The following PLEKHG2 variants were observed in gnomAD, a reference collection of about 807,000 sequenced individuals.
PLEKHG2 encodes pleckstrin homology and RhoGEF domain containing G2, also known as pleckstrin homology domain-containing family G member 2.
Under a neutral mutation model 104.4 loss-of-function variants are expected in PLEKHG2, and 71 were observed. The observed-to-expected ratio is 0.68, with a 90% CI of 0.56 to 0.83. The LOEUF is 0.83. Ranked by LOEUF, PLEKHG2 falls within the 40% of genes least tolerant of loss-of-function variation. The pLI is 0.00. For synonymous variants in PLEKHG2, 728 were observed against 737.0 expected (o/e 0.99, Z 0.20); for missense variants, 1,730 against 1,809.4 (o/e 0.96, Z 0.80).
chr19:39,424,042 CA>C lies in PLEKHG2; in HGVS notation c.2911del (p.Thr971LeufsTer75). On this transcript the variant is annotated frameshift_variant, in exon 19 of 19. Transcript: ENST00000425673. LOFTEE classifies it low-confidence loss of function (END_TRUNC). ...GPLHLQVPAL[T>X]TFSDQGHPEI... ...CTGCACCTCCAGGTGCCGGCTCTTA[CA>C]ACTTTCTCTGATCAAGGCCACCCAG... 1 of 1,614,020 alleles carries C rather than the reference CA, an allele frequency of 6.2e-7. No individual in the cohort carries two copies. Among genetic ancestry groups the C allele is most frequent in the Non-Finnish European group, 8.5e-7 (1 of 1,179,964 alleles).
intron 14 of PLEKHG2, 38 bp from the exon 15 acceptor site, chr19:39,421,037 G>T: frequency 6.2e-7 from 1 of 1,614,080 alleles, no homozygotes. Context: ...CATCGGGGTG[G>T]GAGCTGGGCT....
chr19:39,423,658 G>A lies in PLEKHG2; in HGVS notation c.2599+5G>A, dbSNP rs1376109284. On this transcript the variant is annotated splice_donor_5th_base_variant and intron_variant, in intron 18 of 18. Transcript: ENST00000425673. ...CCCAGGAGCAGGCAGAGCCAGGTGA[G>A]GTCCGGGTACGTGGTTGGCAGAGGT... 3 of 1,548,462 alleles carry A rather than the reference G, an allele frequency of 1.9e-6. No individual in the cohort carries two copies. The highest frequency in any genetic ancestry group is 1.7e-4 in the Middle Eastern group (1 of 5,726).
In PLEKHG2 at chr19:39,418,934, G is replaced by C. The variant is rs572386419; in HGVS notation, c.1194G>C (p.Glu398Asp). 6.2e-7 allele frequency: 1 copy of C among 1,612,810 alleles called. No individual in the cohort carries two copies. Among genetic ancestry groups the C allele is most frequent in the South Asian group, 1.1e-5 (1 of 90,830 alleles). The change falls in exon 11 of 19, where the codon GAG (glutamate) becomes GAC (aspartate). Residue 398 changes from glutamate (E) to aspartate (D), a missense_variant. Glu to Asp is a conservative substitution (Grantham distance 45). Coordinates refer to ENST00000425673, the MANE Select transcript of PLEKHG2 (RefSeq NM_022835.3). ...ACTCCTAGGCCAAGAACCAAGAAGA[G>C]AAGAGGCTGTGGATTCACTGTCTCC... ...RHLLQAKNQE[E>D]KRLWIHCLQR...
In PLEKHG2 at chr19:39,418,141, C is replaced by T. The variant is rs775916719; in HGVS notation, c.1083+36C>T. ...GGATGGGGTGGGGCTAGAATACTAC[C>T]TACAAAGTATATCCCATATACCTGT... is the stretch of plus-strand genomic sequence containing the variant. On this transcript the variant is annotated intron_variant, in intron 9 of 18. Coordinates refer to ENST00000425673, the MANE Select transcript of PLEKHG2 (RefSeq NM_022835.3). The T allele has an allele frequency of 1.9e-5, 27 of 1,453,014 alleles. No individual in the cohort carries two copies. In the Admixed American group the frequency reaches 6.7e-4, roughly 36 times the overall value. The allele number at this position is 1,453,014 out of a possible 1,614,324, so 90.0% of individuals were successfully genotyped here. A position where few individuals can be genotyped will look rare whatever the true frequency, so the allele number is the denominator to read the frequency against.
Position 39,416,746 on chromosome 19 carries a change from C to G in PLEKHG2, c.594-104C>G, listed in dbSNP as rs1484168965. 18 of 1,468,522 alleles carry G rather than the reference C, an allele frequency of 1.2e-5. No homozygotes were observed. The highest frequency in any genetic ancestry group is 1.4e-5 in the Non-Finnish European group (15 of 1,075,914). 91.0% of individuals were successfully genotyped at this position (1,468,522 alleles called of 1,614,324 possible). A position where few individuals can be genotyped will look rare whatever the true frequency, so the allele number is the denominator to read the frequency against. On this transcript the variant is annotated intron_variant, in intron 6 of 18. Transcript: ENST00000425673. The surrounding 1 kb of genome is among the most constrained non-coding windows in gnomAD (Gnocchi z 4.5). ...CTGACCTCTCCCTCACTGCCCCGCC[C>G]CCTGTCAGACCCTGACCCTTCCCAA... is the stretch of plus-strand genomic sequence containing the variant.
In PLEKHG2 at chr19:39,425,448, C is replaced by T. The variant is rs183846091; in HGVS notation, c.*154C>T. 82 of 1,251,532 alleles carry T rather than the reference C, an allele frequency of 6.6e-5. 1 individual carries two copies. The East Asian group carries it at 2.0e-3, about 31-fold the overall frequency. 77.5% of individuals were successfully genotyped at this position (1,251,532 alleles called of 1,614,324 possible). Reference sequence around the variant, plus strand: ...TGCATCGGCGAATGGCCCTTCTTGCCTTGATCCACAGGGATGGGGAAGGGA... The same window carrying T: ...TGCATCGGCGAATGGCCCTTCTTGCTTTGATCCACAGGGATGGGGAAGGGA... On this transcript the variant is annotated 3_prime_UTR_variant, in exon 19 of 19. Transcript: ENST00000425673.
At chr19:39,421,150 G>A (rs1244992755) in intron 15 of PLEKHG2, 37 bp downstream of exon 15, 1 of 1,531,312 alleles carries the variant, frequency 6.5e-7, no homozygotes, top group Non-Finnish European at 8.9e-7. Context: ...GTCCATCCCT[G>A]TCTGTCGCCC....
chr19:39,414,961 T>A (rs776200058), intron 2 of PLEKHG2, 31 bp from the exon 3 acceptor site: 1 of 1,552,142 alleles, frequency 6.4e-7, no homozygotes, highest in South Asian at 1.2e-5. Flanking sequence ...ATGGGGAGAT[T>A]TCTCTGACCT....
Position 39,416,406 on chromosome 19 carries a change from G to T in PLEKHG2, c.538G>T (p.Val180Leu). The T allele has an allele frequency of 1.2e-6, 2 of 1,613,062 alleles. No individual in the cohort carries two copies. Among genetic ancestry groups the T allele is most frequent in the Non-Finnish European group, 1.7e-6 (2 of 1,179,752 alleles). The stretch of plus-strand genomic sequence containing the variant: ...CGCCGGGGGTATTGCCGAGTGCTTC[G>T]TGCAGAGGGTGAGTGGAGGGGTGGG... ...SSAGGIAECF[V>L]QRSEDFDIYT... Residue 180 changes from valine to leucine, a missense_variant, in exon 5 of 19, where the codon GTG becomes TTG. Physicochemically the swap from Val to Leu is conservative, Grantham distance 32 (BLOSUM62 1). Transcript: ENST00000425673. This position sits in a 1 kb window ranked among gnomAD's most constrained non-coding sequence, Gnocchi z 4.5.
Position 39,420,811 on chromosome 19 carries a change from C to G in PLEKHG2, c.1358C>G (p.Pro453Arg), listed in dbSNP as rs34975345. The G allele has an allele frequency of 0.031, 50,475 of 1,614,148 alleles. 959 individuals are homozygous for G. The highest frequency in any genetic ancestry group is 0.039 in the Middle Eastern group (238 of 6,062). ...PLTPPLGSPR[P>R]RDARSFTPGR... ...ACACCCCCACTTGGGTCTCCTCGAC[C>G]TCGAGATGCTAGAAGTTTTACCCCT... is the stretch of plus-strand genomic sequence containing the variant. Residue 453 changes from proline to arginine, a missense_variant, in exon 13 of 19, where the codon CCT becomes CGT. Physicochemically the swap from Pro to Arg is moderately radical, Grantham distance 103 (BLOSUM62 -2). Transcript: ENST00000425673.
chr19:39,422,773 G>A lies in PLEKHG2; in HGVS notation c.1719G>A (p.Gln573=). The A allele has an allele frequency of 1.3e-6, 2 of 1,525,654 alleles. No homozygotes were observed. Among genetic ancestry groups the A allele is most frequent in the Non-Finnish European group, 1.8e-6 (2 of 1,139,454 alleles). The allele number at this position is 1,525,654 out of a possible 1,614,324, so 94.5% of individuals were successfully genotyped here. A position where few individuals can be genotyped will look rare whatever the true frequency, so the allele number is the denominator to read the frequency against. The stretch of plus-strand genomic sequence containing the variant: ...TTCCCAAGTTCCCCGGAGACTCCCA[G>A]GTGCCTGGCGACAGCGAAACCCTCA... ...HDIPKFPGDS[Q]VPGDSETLTF... Residue 573 remains glutamine, a synonymous_variant, in exon 18 of 19, where the codon CAG becomes CAA. Transcript: ENST00000425673.
Position 39,424,163 on chromosome 19 carries a change from CTG to C in PLEKHG2, c.3033_3034del (p.Ala1012GlyfsTer17). On this transcript the variant is annotated frameshift_variant, in exon 19 of 19. Coordinates refer to ENST00000425673, the MANE Select transcript of PLEKHG2 (RefSeq NM_022835.3). LOFTEE classifies it low-confidence loss of function (END_TRUNC). The stretch of plus-strand genomic sequence containing the variant: ...CCGCCTTTTGTCCTGAGCAGGGACA[CTG>C]TGCGGACATCCACGTTCCCACCACT... Reference protein sequence around the residue: ...STAFCPEQGHCADIHVPTTPA... With the variant: ...STAFCPEQGHXADIHVPTTPA... 3 of 1,614,164 alleles carry C rather than the reference CTG, an allele frequency of 1.9e-6. No individual in the cohort carries two copies. The highest frequency in any genetic ancestry group is 1.3e-5 in the African/African-American group (1 of 75,042).
chr19:39,425,301 A>G lies in PLEKHG2; in HGVS notation c.*7A>G. 6.3e-7 allele frequency: 1 copy of G among 1,598,380 alleles called. No homozygotes were observed. Among genetic ancestry groups the G allele is most frequent in the Non-Finnish European group, 8.5e-7 (1 of 1,175,616 alleles). On this transcript the variant is annotated 3_prime_UTR_variant, in exon 19 of 19. Coordinates refer to ENST00000425673, the MANE Select transcript of PLEKHG2 (RefSeq NM_022835.3). Reference sequence around the variant, plus strand: ...TGCCCCCTTCCACATGTGAGCCAGGACATGAGGCTTCCCTGAAGCAAGGAT... The same window carrying G: ...TGCCCCCTTCCACATGTGAGCCAGGGCATGAGGCTTCCCTGAAGCAAGGAT...
Position 39,420,833 on chromosome 19 carries a change from C to T in PLEKHG2, c.1380C>T (p.Thr460=), listed in dbSNP as rs201041534. Residue 460 remains threonine (T), a synonymous_variant, in exon 13 of 19, where the codon ACC becomes ACT. Coordinates refer to ENST00000425673, the MANE Select transcript of PLEKHG2 (RefSeq NM_022835.3). ...GACCTCGAGATGCTAGAAGTTTTAC[C>T]CCTGGGCGAAGGAACACAGGTAAAG... ...SPRPRDARSF[T]PGRRNTAPSP... 9.7e-5 allele frequency: 157 copies of T among 1,614,072 alleles called. No individual in the cohort carries two copies. Among genetic ancestry groups the T allele is most frequent in the Non-Finnish European group, 1.2e-4 (142 of 1,180,050 alleles).
chr19:39,414,138 G>A lies in PLEKHG2; in HGVS notation c.52G>A (p.Gly18Arg). ...LSLSKPSPSLGCGRRGEVCDC... is the reference protein window; with the variant it reads ...LSLSKPSPSLRCGRRGEVCDC... ...CCTCTCCAAACCTAGCCCAAGCCTC[G>A]GGTGTGGCCGAAGAGGTGAAGTGTG... The change falls in exon 2 of 19, where the codon GGG (glycine) becomes AGG (arginine). Residue 18 changes from glycine (G) to arginine (R), a missense_variant. Transcript: ENST00000425673. The A allele has an allele frequency of 6.4e-7, 1 of 1,551,518 alleles. No individual in the cohort carries two copies. The highest frequency in any genetic ancestry group is 8.7e-7 in the Non-Finnish European group (1 of 1,146,888).
chr19:39,416,437 C>G lies in PLEKHG2; in HGVS notation c.546+23C>G, dbSNP rs1183364724. 6.8e-6 allele frequency: 11 copies of G among 1,611,942 alleles called. No individual in the cohort carries two copies. Among genetic ancestry groups the G allele is most frequent in the Non-Finnish European group, 9.3e-6 (11 of 1,179,358 alleles). ...AGGGTGAGTGGAGGGGTGGGGGGCTCTCGGTCCTGGATGGGGCCTTTGTAG... is the reference window on the plus strand; with the variant it reads ...AGGGTGAGTGGAGGGGTGGGGGGCTGTCGGTCCTGGATGGGGCCTTTGTAG... On this transcript the variant is annotated intron_variant, in intron 5 of 18. Coordinates refer to ENST00000425673, the MANE Select transcript of PLEKHG2 (RefSeq NM_022835.3). This position sits in a 1 kb window ranked among gnomAD's most constrained non-coding sequence, Gnocchi z 4.5.
Position 39,417,700 on chromosome 19 carries a change from C to T in PLEKHG2, c.882+8C>T. 1 of 1,588,060 alleles carries T rather than the reference C, an allele frequency of 6.3e-7. No individual in the cohort carries two copies. The highest frequency in any genetic ancestry group is 8.6e-7 in the Non-Finnish European group (1 of 1,169,108). Reference sequence around the variant, plus strand: ...CATGCAGCGCGCCTCCAGGTGGCCCCAGGGTGGGCTGGGGCTTGCTGGATG... The same window carrying T: ...CATGCAGCGCGCCTCCAGGTGGCCCTAGGGTGGGCTGGGGCTTGCTGGATG... On this transcript the variant is annotated splice_region_variant and intron_variant, in intron 8 of 18. Coordinates refer to ENST00000425673, the MANE Select transcript of PLEKHG2 (RefSeq NM_022835.3).
rs762394965 is a variant in PLEKHG2, at chr19:39,424,398, G to A, written c.3265G>A (p.Gly1089Ser). The stretch of plus-strand genomic sequence containing the variant: ...GCATGGAAGCAGCCTGGATCCCCAG[G>A]GCCCAGGCGACACCCTACCACCCTT... ...SWHGSSLDPQ[G>S]PGDTLPPLPC... The change falls in exon 19 of 19, where the codon GGC (glycine) becomes AGC (serine). Residue 1089 changes from glycine to serine, a missense_variant. Coordinates refer to ENST00000425673, the MANE Select transcript of PLEKHG2 (RefSeq NM_022835.3). The A allele has an allele frequency of 1.1e-5, 18 of 1,613,994 alleles. No individual in the cohort carries two copies. The highest frequency in any genetic ancestry group is 1.4e-5 in the Non-Finnish European group (17 of 1,179,988).
Position 39,425,298 on chromosome 19 carries a change from A to C in PLEKHG2, c.*4A>C. Reference sequence around the variant, plus strand: ...TGATGCCCCCTTCCACATGTGAGCCAGGACATGAGGCTTCCCTGAAGCAAG... The same window carrying C: ...TGATGCCCCCTTCCACATGTGAGCCCGGACATGAGGCTTCCCTGAAGCAAG... On this transcript the variant is annotated 3_prime_UTR_variant, in exon 19 of 19. Transcript: ENST00000425673. The C allele has an allele frequency of 6.3e-7, 1 of 1,598,284 alleles. No homozygotes were observed.
Sources: allele counts gnomAD v4.1 joint callset, GRCh38; gene constraint gnomAD v4.1.1; non-coding constraint Gnocchi (gnomAD v3.1); transcripts MANE v1.5; gene names NCBI Gene and HGNC (gene_info 2026-07-23, HGNC 2026-07-21).